Variants in PATJ observed in about 807,000 individuals in gnomAD.
PATJ encodes PATJ crumbs cell polarity complex component, also known as inaD-like protein.
A neutral mutation model predicts 224.9 loss-of-function variants in PATJ; 190 were observed. The observed-to-expected ratio is 0.84, with a 90% CI of 0.75 to 0.95. The LOEUF is 0.95. Ranked by LOEUF, PATJ falls within the 40% of genes least tolerant of loss-of-function variation. The pLI, the probability that PATJ is intolerant of heterozygous loss-of-function variation, is 0.00. For synonymous variants in PATJ, 769 were observed against 820.3 expected, an observed-to-expected ratio of 0.94 and a Z score of 1.07; for missense variants, 2,121 against 2,270.3, an observed-to-expected ratio of 0.93 and a Z score of 1.34.
At chr1:61,783,722 T>C (rs1475342791) in intron 7 of PATJ, among the ~76,000 whole-genome samples, 1 of 150,916 alleles carries the variant, frequency 6.6e-6, no homozygotes, top group Non-Finnish European at 1.5e-5. Flanking sequence ...TAATGTGAGT[T>C]TTTTTTTAGC....
intron 27 of PATJ, chr1:61,952,279 A>AGG: frequency 2.1e-6 from 1 of 468,904 alleles, no homozygotes; most frequent in South Asian, 3.8e-5. Flanking sequence ...AGAGAGAGAG[A>AGG]AAAATAGGCC....
At chr1:61,903,033 A>C (rs1357119974) in intron 24 of PATJ, among the ~76,000 whole-genome samples, 1 of 152,184 alleles carries the variant, frequency 6.6e-6, no homozygotes, top group Non-Finnish European at 1.5e-5. Flanking sequence ...AAGGGGTAAG[A>C]GAAAAGGGCT....
intron 28 of PATJ, among the ~76,000 whole-genome samples, chr1:62,008,868 A>G (rs1465368984): frequency 6.6e-6 from 1 of 152,100 alleles, no homozygotes; most frequent in Non-Finnish European, 1.5e-5. Flanking sequence ...GGATTTTAAG[A>G]TAATAAATAG....
At chr1:62,033,006 C>G (rs887518528) in intron 29 of PATJ, among the ~76,000 whole-genome samples, 4 of 152,032 alleles carry the variant, frequency 2.6e-5, no homozygotes, top group Admixed American at 6.6e-5. Context: ...GAAACTGCCC[C>G]CATGATTCAG....
At chr1:61,809,322 A>G (rs914184597) in intron 14 of PATJ, among the ~76,000 whole-genome samples, 1 of 152,016 alleles carries the variant, frequency 6.6e-6, no homozygotes, top group African/African-American at 2.4e-5. Flanking sequence ...GTAATTCTGC[A>G]TGGGATATAA....
intron 27 of PATJ, among the ~76,000 whole-genome samples, chr1:61,972,349 A>G (rs944614916): frequency 6.6e-6 from 1 of 151,980 alleles, no homozygotes; most frequent in Non-Finnish European, 1.5e-5. Context: ...CTAATTTTGG[A>G]TTTTCAGATT....
chr1:62,118,857 C>G (rs1356623944), intron 37 of PATJ, among the ~76,000 whole-genome samples: 2 of 152,106 alleles, frequency 1.3e-5, no homozygotes, highest in Admixed American at 6.6e-5. Flanking sequence ...GTCTCAAACT[C>G]CTGATCTCAG....
chr1:61,756,265 T>C (rs928019508), intron 1 of PATJ, among the ~76,000 whole-genome samples: 1 of 152,156 alleles, frequency 6.6e-6, no homozygotes, highest in Non-Finnish European at 1.5e-5. Context: ...CTTCTGGAGA[T>C]CTTATATTAG....
chr1:62,025,364 A>C (rs1034220561), intron 29 of PATJ, among the ~76,000 whole-genome samples: 3 of 152,210 alleles, frequency 2.0e-5, no homozygotes, highest in Admixed American at 2.0e-4. Flanking sequence ...AAGAGGAATC[A>C]GGCAGGATTT....
intron 41 of PATJ, among the ~76,000 whole-genome samples, chr1:62,139,430 C>T (rs1483519091): frequency 3.6e-5 from 5 of 137,560 alleles, no homozygotes; most frequent in East Asian, 2.4e-4. Context: ...AAAAAAAGAG[C>T]AAACTTCTCA....
At chr1:61,838,361 T>G in intron 17 of PATJ, among the ~76,000 whole-genome samples, 1 of 142,892 alleles carries the variant, frequency 7.0e-6, no homozygotes, top group Non-Finnish European at 1.5e-5. Flanking sequence ...ACTCTGTTTC[T>G]TTTTTTTTTT....
rs1172505978 is a variant in PATJ, at chr1:62,046,242, G to A, written c.4033-4724G>A. On this transcript the variant is annotated intron_variant, in intron 30 of 43. Transcript: ENST00000642238. ...AAGGAAGGAAAGGAAGGAAGGGAGG[G>A]AGGGAGGGAGGGAGGGAAAGGATCC... 6.2e-5 allele frequency among the ~76,000 whole-genome samples: 9 copies of A among 145,938 alleles called. No individual in the cohort carries two copies. The East Asian group carries it at 1.4e-3, about 23-fold the overall frequency.
chr1:62,065,717 G>A (rs891765596), intron 31 of PATJ, among the ~76,000 whole-genome samples: 6 of 152,210 alleles, frequency 3.9e-5, no homozygotes, highest in Non-Finnish European at 7.3e-5. Context: ...AACTTGCCCA[G>A]AAGGAATCAC....
chr1:61,835,242 G>T (rs966595739), intron 17 of PATJ, among the ~76,000 whole-genome samples: 5 of 151,922 alleles, frequency 3.3e-5, no homozygotes, highest in Non-Finnish European at 4.4e-5. Flanking sequence ...TTATATATTG[G>T]TTAATATTAG....
intron 2 of PATJ, 34 bp from the exon 3 acceptor site, chr1:61,762,979 T>G (rs1646050188): frequency 6.4e-7 from 1 of 1,569,716 alleles, no homozygotes; most frequent in South Asian, 1.2e-5. Context: ...AAATGGGACT[T>G]AACTATTACT....
intron 30 of PATJ, among the ~76,000 whole-genome samples, chr1:62,049,738 A>T (rs955531391): frequency 2.0e-5 from 3 of 152,172 alleles, no homozygotes; most frequent in African/African-American, 7.2e-5. Context: ...GTAAATACAT[A>T]TTTTCAGGAT....
At chr1:61,875,759 A>G (rs1667254873) in intron 21 of PATJ, among the ~76,000 whole-genome samples, 1 of 152,186 alleles carries the variant, frequency 6.6e-6, no homozygotes, top group Non-Finnish European at 1.5e-5. Context: ...AGAGAGGCAT[A>G]TTTTAAACAT....
chr1:62,120,471 C>T (rs1023336734), intron 37 of PATJ, among the ~76,000 whole-genome samples: 1 of 152,234 alleles, frequency 6.6e-6, no homozygotes, highest in Non-Finnish European at 1.5e-5. Flanking sequence ...GCAATGTTTT[C>T]GTCTACATAA....
chr1:61,748,701 A>G (rs1468532331), intron 1 of PATJ, among the ~76,000 whole-genome samples: 1 of 152,008 alleles, frequency 6.6e-6, no homozygotes, highest in Non-Finnish European at 1.5e-5. Context: ...CAATAATTTA[A>G]TTATTAGCTT....
Sources: gnomAD v4.1 joint callset for allele counts (sites outside exome capture counted in the v4.1 genomes callset) on GRCh38, gnomAD v4.1.1 for gene constraint, MANE v1.5 for transcripts, NCBI Gene and HGNC (gene_info 2026-07-23, HGNC 2026-07-21) for gene names.